Variants in PRKACB observed in about 807,000 individuals in gnomAD.
The protein encoded by PRKACB is protein kinase cAMP-activated catalytic subunit beta.
A neutral mutation model predicts 51.4 loss-of-function variants in PRKACB; 16 were observed. The ratio of observed to expected loss-of-function variants is 0.31; its 90% CI spans 0.21 to 0.47. The LOEUF (loss-of-function observed/expected upper bound fraction) is 0.47. Among genes scored for constraint, PRKACB ranks in the 20% least tolerant of loss-of-function variants. PRKACB has a pLI of 1.00. For missense variants in PRKACB, 309 were observed against 464.5 expected (o/e 0.67, Z 3.08); for synonymous variants, 147 against 154.4 (o/e 0.95, Z 0.35).
At chr1:84,123,682 C>G (rs1409295708) in intron 1 of PRKACB, among the ~76,000 whole-genome samples, 1 of 152,090 alleles carries the variant, frequency 6.6e-6, no homozygotes, top group Non-Finnish European at 1.5e-5. Context: ...GCACACTTAA[C>G]CTCTTTGTCA....
At chr1:84,178,914 T>A (rs1662249443) in intron 1 of PRKACB, 1 of 236,834 alleles carries the variant, frequency 4.2e-6, no homozygotes, top group African/African-American at 2.3e-5. Context: ...CTAGTATGTT[T>A]TCAGGAACAG....
At chr1:84,119,443 A>G (rs1222839578) in intron 1 of PRKACB, among the ~76,000 whole-genome samples, 2 of 152,146 alleles carry the variant, frequency 1.3e-5, no homozygotes, top group Admixed American at 6.6e-5. Context: ...TTCATCACCT[A>G]TTTATACCCT....
Position 84,236,807 on chromosome 1 carries a change from C to T in PRKACB, c.*1502C>T, listed in dbSNP as rs186740577. 13 of 152,658 alleles carry T rather than the reference C, an allele frequency of 8.5e-5. No individual in the cohort carries two copies. In the East Asian group the frequency reaches 2.5e-3, roughly 29 times the overall value. The allele number at this position is 152,658 out of a possible 1,614,324, so 9.5% of individuals were successfully genotyped here. On this transcript the variant is annotated 3_prime_UTR_variant, in exon 10 of 10. Coordinates refer to ENST00000370685, the MANE Select transcript of PRKACB (RefSeq NM_182948.4). Reference sequence around the variant, plus strand: ...TTTAATTTTCCCCATCTGATTTTATCTCTGCGTTTCAGTGACCTACCTTAA... The same window carrying T: ...TTTAATTTTCCCCATCTGATTTTATTTCTGCGTTTCAGTGACCTACCTTAA...
intron 1 of PRKACB, among the ~76,000 whole-genome samples, chr1:84,106,179 C>T (rs752482476): frequency 6.6e-6 from 1 of 151,972 alleles, no homozygotes; most frequent in African/African-American, 2.4e-5. Flanking sequence ...CCCATGGATA[C>T]CAAGGGGTGA....
intron 1 of PRKACB, among the ~76,000 whole-genome samples, chr1:84,171,130 G>A (rs181390845): frequency 1.7e-4 from 26 of 151,550 alleles, no homozygotes; most frequent in South Asian, 8.3e-4. Context: ...TAATTAACTC[G>A]TAAATTTAAG....
intron 6 of PRKACB, 38 bp downstream of exon 6, chr1:84,196,780 A>G: frequency 6.4e-7 from 1 of 1,565,518 alleles, no homozygotes; most frequent in Non-Finnish European, 8.7e-7. Context: ...GTATATGAGA[A>G]AATACTAGGC....
At chr1:84,116,776 A>T (rs2100866982) in intron 1 of PRKACB, among the ~76,000 whole-genome samples, 2 of 152,248 alleles carry the variant, frequency 1.3e-5, no homozygotes, top group Middle Eastern at 3.4e-3. Context: ...GGACAATTTG[A>T]CTTCCTCTTC....
intron 1 of PRKACB, among the ~76,000 whole-genome samples, chr1:84,118,623 C>G (rs1460492092): frequency 6.6e-6 from 1 of 151,930 alleles, no homozygotes; most frequent in African/African-American, 2.4e-5. Context: ...AGAAGAAAGC[C>G]TGGAAAATGG....
chr1:84,164,416 G>A, intron 1 of PRKACB: 2 of 1,574,546 alleles, frequency 1.3e-6, no homozygotes, highest in Non-Finnish European at 1.7e-6. Flanking sequence ...GTTCAACATG[G>A]GATTGTGTGA....
At chr1:84,159,298 A>G (rs1655897270) in intron 1 of PRKACB, among the ~76,000 whole-genome samples, 1 of 152,026 alleles carries the variant, frequency 6.6e-6, no homozygotes, top group Admixed American at 6.6e-5. Context: ...ATTTATTTAC[A>G]TATTCTTTAA....
At chr1:84,223,935 G>T (rs1345304433) in intron 9 of PRKACB, among the ~76,000 whole-genome samples, 2 of 152,134 alleles carry the variant, frequency 1.3e-5, no homozygotes, top group East Asian at 3.8e-4. Context: ...TCCACATCTG[G>T]TGTAACAGTC....
At chr1:84,159,713 A>G (rs1382776976) in intron 1 of PRKACB, among the ~76,000 whole-genome samples, 3 of 152,116 alleles carry the variant, frequency 2.0e-5, no homozygotes, top group African/African-American at 7.2e-5. Context: ...TGACATAAGT[A>G]TAGAGTTTCC....
At chr1:84,111,841 G>A (rs914005935) in intron 1 of PRKACB, among the ~76,000 whole-genome samples, 4 of 150,866 alleles carry the variant, frequency 2.7e-5, no homozygotes, top group African/African-American at 9.9e-5. Flanking sequence ...ATATATATAT[G>A]ACTGCAAAAG....
At chr1:84,192,119 A>G (rs1666983610) in intron 5 of PRKACB, among the ~76,000 whole-genome samples, 1 of 152,190 alleles carries the variant, frequency 6.6e-6, no homozygotes, top group South Asian at 2.1e-4. Context: ...ATCAGTTTAT[A>G]AAAAGAGTTA....
intron 1 of PRKACB, chr1:84,078,469 A>T: frequency 7.1e-7 from 1 of 1,408,034 alleles, no homozygotes; most frequent in East Asian, 2.5e-5. Context: ...GGCACGGGCC[A>T]GGCCTAGCAG....
intron 1 of PRKACB, among the ~76,000 whole-genome samples, chr1:84,167,202 C>T (rs939266839): frequency 4.6e-5 from 7 of 151,516 alleles, no homozygotes; most frequent in Admixed American, 4.6e-4. Context: ...TATATCCTTC[C>T]AGGCCATTTT....
At chr1:84,180,794 A>G (rs1031358930) in intron 2 of PRKACB, among the ~76,000 whole-genome samples, 1 of 152,070 alleles carries the variant, frequency 6.6e-6, no homozygotes, top group African/African-American at 2.4e-5. Context: ...ATTGTGTAAC[A>G]TGAAACAATA....
At chr1:84,187,585 C>A (rs1344313225) in intron 5 of PRKACB, among the ~76,000 whole-genome samples, 1 of 152,040 alleles carries the variant, frequency 6.6e-6, no homozygotes, top group Non-Finnish European at 1.5e-5. Flanking sequence ...GCTAACAGGA[C>A]TTCAGGAACA....
intron 1 of PRKACB, among the ~76,000 whole-genome samples, chr1:84,083,275 C>G (rs1282597634): frequency 6.6e-6 from 1 of 152,166 alleles, no homozygotes; most frequent in East Asian, 1.9e-4. Context: ...TCAAAGCAAT[C>G]AGTTATGCAA....
Sources: allele counts gnomAD v4.1 joint callset (sites outside exome capture counted in the v4.1 genomes callset), GRCh38; gene constraint gnomAD v4.1.1; transcripts MANE v1.5; gene names NCBI Gene and HGNC (gene_info 2026-07-23, HGNC 2026-07-21).